The following CLNK variants were observed in gnomAD, a reference collection of about 807,000 sequenced individuals.
CLNK encodes the protein cytokine-dependent hematopoietic cell linker.
In CLNK, 74 loss-of-function variants were observed where a neutral mutation model predicts 68.6. The observed-to-expected ratio is 1.08, with a 90% CI of 0.89 to 1.31. CLNK has a LOEUF of 1.31. Ranked by LOEUF, CLNK falls within the 50% of genes most tolerant of loss-of-function variation. CLNK has a pLI of 0.00. For synonymous variants in CLNK, 198 were observed against 172.2 expected (o/e 1.15, Z -1.17); for missense variants, 553 against 515.3 (o/e 1.07, Z -0.71).
chr4:10,719,182 C>T, the CLNK span, among the ~76,000 whole-genome samples: 242 of 152,024 alleles, frequency 1.6e-3, no homozygotes, highest in African/African-American at 5.7e-3. Flanking sequence ...AAATAGCAAT[C>T]TTAAGCCCTA....
At chr4:10,600,294 C>T (rs4697760) in intron 2 of CLNK, among the ~76,000 whole-genome samples, 28,901 of 152,156 alleles carry the variant, frequency 0.19, 2,772 homozygotes, top group South Asian at 0.2. Context: ...TTGAGTCCCT[C>T]TGGTACTTTT....
Position 10,507,949 on chromosome 4 carries a change from A to G in CLNK, c.984+10T>C. 1.3e-6 allele frequency: 2 copies of G among 1,593,902 alleles called. No individual in the cohort carries two copies. Among genetic ancestry groups the G allele is most frequent in the Non-Finnish European group, 1.7e-6 (2 of 1,167,430 alleles). On this transcript the variant is annotated intron_variant, in intron 17 of 18. Transcript: ENST00000226951. ...GAAACAATAATGATGGGCCACGTAG[A>G]AGGCATTACCTTGTTCTCCTTCATG...
At chr4:10,659,450 C>T (rs1457428280) in intron 2 of CLNK, among the ~76,000 whole-genome samples, 1 of 152,228 alleles carries the variant, frequency 6.6e-6, no homozygotes, top group Non-Finnish European at 1.5e-5. Flanking sequence ...TGTCACGGCT[C>T]TGTTGGCACA....
chr4:10,551,273 C>A (rs1233408433), intron 8 of CLNK, among the ~76,000 whole-genome samples: 4 of 152,062 alleles, frequency 2.6e-5, no homozygotes, highest in African/African-American at 7.2e-5. Flanking sequence ...GAGACCAAGT[C>A]TCGCTCCGTT....
chr4:10,655,983 G>T (rs1455785385), intron 2 of CLNK, among the ~76,000 whole-genome samples: 1 of 151,774 alleles, frequency 6.6e-6, no homozygotes, highest in Non-Finnish European at 1.5e-5. Context: ...CGGGTAAATT[G>T]TTTATCCATG....
the CLNK span, among the ~76,000 whole-genome samples, chr4:10,700,257 T>A: frequency 6.6e-6 from 1 of 152,174 alleles, no homozygotes; most frequent in Non-Finnish European, 1.5e-5. Flanking sequence ...AATATTAGAA[T>A]TATTCAGTAA....
intron 1 of CLNK, among the ~76,000 whole-genome samples, chr4:10,680,453 C>T (rs1725054615): frequency 6.6e-6 from 1 of 151,586 alleles, no homozygotes; most frequent in Non-Finnish European, 1.5e-5. Context: ...ACCAACATGT[C>T]ACATGTATAC....
intron 3 of CLNK, among the ~76,000 whole-genome samples, chr4:10,588,367 G>C (rs563803012): frequency 6.6e-6 from 1 of 152,172 alleles, no homozygotes; most frequent in South Asian, 2.1e-4. Flanking sequence ...GTGCTAAAAA[G>C]CATGTTGGAG....
chr4:10,616,098 T>C (rs899298568), intron 2 of CLNK, among the ~76,000 whole-genome samples: 9 of 152,228 alleles, frequency 5.9e-5, no homozygotes, highest in Non-Finnish European at 8.8e-5. Context: ...ACAAAATACA[T>C]GAATTTCTAA....
At chr4:10,562,066 T>A (rs1719910040) in intron 7 of CLNK, among the ~76,000 whole-genome samples, 1 of 151,650 alleles carries the variant, frequency 6.6e-6, no homozygotes, top group Non-Finnish European at 1.5e-5. Flanking sequence ...ATTTCTTGGA[T>A]CTTATTGAAG....
intron 2 of CLNK, among the ~76,000 whole-genome samples, chr4:10,633,284 T>C (rs1361513570): frequency 6.6e-6 from 1 of 152,212 alleles, no homozygotes; most frequent in Non-Finnish European, 1.5e-5. Flanking sequence ...GAATCAAAGC[T>C]AAAAGTTTTT....
At chr4:10,691,456 G>C in the CLNK span, among the ~76,000 whole-genome samples, 1 of 152,154 alleles carries the variant, frequency 6.6e-6, no homozygotes, top group African/African-American at 2.4e-5. Flanking sequence ...AAAGAACCAA[G>C]ACAGAGACGT....
the CLNK span, among the ~76,000 whole-genome samples, chr4:10,718,871 A>G: frequency 6.6e-6 from 1 of 152,096 alleles, no homozygotes; most frequent in Non-Finnish European, 1.5e-5. Flanking sequence ...ATTCATGATA[A>G]TTATATTATA....
intron 2 of CLNK, among the ~76,000 whole-genome samples, chr4:10,631,148 T>A (rs897983470): frequency 2.0e-5 from 3 of 152,160 alleles, no homozygotes; most frequent in Non-Finnish European, 2.9e-5. Context: ...TGTCTAGCAG[T>A]CTTTGGGTAA....
intron 2 of CLNK, among the ~76,000 whole-genome samples, chr4:10,620,168 C>G (rs1353155131): frequency 6.6e-6 from 1 of 152,176 alleles, no homozygotes; most frequent in Non-Finnish European, 1.5e-5. Context: ...AGCCTAAGCA[C>G]TCACATCTCC....
At chr4:10,691,866 T>C in the CLNK span, among the ~76,000 whole-genome samples, 1 of 152,142 alleles carries the variant, frequency 6.6e-6, no homozygotes, top group Non-Finnish European at 1.5e-5. Context: ...ATGAGCTTCT[T>C]ATTAGTACAT....
At chr4:10,668,171 G>A (rs968941095) in intron 1 of CLNK, among the ~76,000 whole-genome samples, 4 of 152,132 alleles carry the variant, frequency 2.6e-5, no homozygotes, top group Non-Finnish European at 5.9e-5. Flanking sequence ...CATAAACTGA[G>A]CCTGGTTTTC....
chr4:10,554,727 A>C (rs537751102), intron 8 of CLNK, among the ~76,000 whole-genome samples: 43 of 152,224 alleles, frequency 2.8e-4, no homozygotes, highest in Non-Finnish European at 5.4e-4. Flanking sequence ...TCAATTCTGC[A>C]ACCTCGGGCG....
intron 1 of CLNK, among the ~76,000 whole-genome samples, chr4:10,669,514 G>A (rs1560271629): frequency 6.6e-6 from 1 of 152,168 alleles, no homozygotes; most frequent in Non-Finnish European, 1.5e-5. Context: ...TATTGTGCCA[G>A]AGTGGCTTTG....
Sources: allele counts gnomAD v4.1 joint callset (sites outside exome capture counted in the v4.1 genomes callset), GRCh38; gene constraint gnomAD v4.1.1; transcripts MANE v1.5; gene names NCBI Gene and HGNC (gene_info 2026-07-23, HGNC 2026-07-21).